Variants in IQSEC1 observed in about 807,000 individuals in gnomAD.
IQSEC1 encodes IQ motif and Sec7 domain ArfGEF 1, also known as IQ motif and SEC7 domain-containing protein 1.
A neutral mutation model predicts 91.0 loss-of-function variants in IQSEC1; 31 were observed. That is an observed-to-expected ratio of 0.34 (90% CI 0.26 to 0.46). The LOEUF is 0.46. Among genes scored for constraint, IQSEC1 ranks in the 20% least tolerant of loss-of-function variants. The probability of loss-of-function intolerance (pLI) is 1.00; values close to 1 mark genes in which losing one functional copy is unlikely to be tolerated. For synonymous variants in IQSEC1, 699 were observed against 662.6 expected (o/e 1.05, Z -0.84); for missense variants, 1,388 against 1,575.6 (o/e 0.88, Z 2.02).
In IQSEC1 at chr3:12,899,027, C is replaced by T. The variant is rs1214615224; in HGVS notation, c.*1956G>A. ...AAGAAATGCCACGCCAATGGGAGGA[C>T]ACAGGTGGGCGGGTTAAAGTCACAT... On this transcript the variant is annotated 3_prime_UTR_variant, in exon 14 of 14. Transcript: ENST00000613206. 4 of 264,456 alleles carry T rather than the reference C, an allele frequency of 1.5e-5. No homozygotes were observed. Among genetic ancestry groups the T allele is most frequent in the Non-Finnish European group, 2.2e-5 (3 of 135,012 alleles). 16.4% of individuals were successfully genotyped at this position (264,456 alleles called of 1,614,324 possible).
intron 1 of IQSEC1, among the ~76,000 whole-genome samples, chr3:13,175,476 A>G (rs1693708690): frequency 6.6e-6 from 1 of 152,162 alleles, no homozygotes; most frequent in Admixed American, 6.5e-5. Context: ...GTTGAAGAAC[A>G]CAGGATCGCC....
At chr3:12,918,963 T>C (rs542407151) in intron 6 of IQSEC1, among the ~76,000 whole-genome samples, 1 of 152,262 alleles carries the variant, frequency 6.6e-6, no homozygotes, top group Admixed American at 6.5e-5. Flanking sequence ...GGGCTGCCAA[T>C]AGCATGCAGC....
At chr3:13,098,031 C>T (rs971035445) in intron 2 of IQSEC1, among the ~76,000 whole-genome samples, 2 of 152,228 alleles carry the variant, frequency 1.3e-5, no homozygotes, top group African/African-American at 2.4e-5. Context: ...CAGGGCCGAC[C>T]CCAGATGTCT....
Position 13,103,781 on chromosome 3 carries a change from C to T in IQSEC1, c.303-56259G>A, listed in dbSNP as rs79248577. ...CCCGGTATTCCATGTTGCCTACCACCCTACGAGGGCAGGGGCTGTGTCTGC... is the reference window on the plus strand; with the variant it reads ...CCCGGTATTCCATGTTGCCTACCACTCTACGAGGGCAGGGGCTGTGTCTGC... On this transcript the variant is annotated intron_variant, in intron 2 of 15. Transcript: ENST00000648114. The surrounding 1 kb of genome is among the most constrained non-coding windows in gnomAD (Gnocchi z 4.1). 0.05 allele frequency among the ~76,000 whole-genome samples: 7,567 copies of T among 152,244 alleles called. 258 individuals are homozygous for T. Among genetic ancestry groups the T allele is most frequent in the Non-Finnish European group, 0.073 (4,932 of 68,004 alleles).
chr3:13,150,714 G>A (rs1411444813), intron 2 of IQSEC1, among the ~76,000 whole-genome samples: 1 of 152,164 alleles, frequency 6.6e-6, no homozygotes, highest in Non-Finnish European at 1.5e-5. Context: ...TGGGAGCTGA[G>A]TGTGGCTCTC....
At chr3:13,160,814 T>G (rs999246124) in intron 2 of IQSEC1, among the ~76,000 whole-genome samples, 12 of 152,252 alleles carry the variant, frequency 7.9e-5, no homozygotes, top group African/African-American at 2.9e-4. Context: ...GTGCCTGTTC[T>G]GTGCCCCACA....
At chr3:12,921,681 A>C (rs115252836) in intron 5 of IQSEC1, among the ~76,000 whole-genome samples, 1,567 of 152,336 alleles carry the variant, frequency 0.01, 27 homozygotes, top group African/African-American at 0.036. Flanking sequence ...AGAGTCGGTG[A>C]CTGAACCAGG....
chr3:12,902,658 C>CAAAAAAAAACCAAAAAAAAAAA, intron 13 of IQSEC1, 115 bp downstream of exon 13: 2 of 268,416 alleles, frequency 7.5e-6, no homozygotes, highest in Non-Finnish European at 1.4e-5. Flanking sequence ...AAAAAAACAA[C>CAAAAAAAAACCAAAAAAAAAAA]AAAAAAAAAA....
At chr3:13,083,234 C>T (rs1032211597) in intron 2 of IQSEC1, among the ~76,000 whole-genome samples, 12 of 152,170 alleles carry the variant, frequency 7.9e-5, no homozygotes, top group African/African-American at 2.7e-4. Context: ...AGAGGACCTA[C>T]GTGCCTACCC....
intron 1 of IQSEC1, among the ~76,000 whole-genome samples, chr3:13,169,219 C>T (rs357162): frequency 0.61 from 92,510 of 152,016 alleles, 28,352 homozygotes; most frequent in Non-Finnish European, 0.64. Flanking sequence ...TGAATAAGTA[C>T]CATGAGATCT....
rs959217926 is a variant in IQSEC1, at chr3:13,214,208, C to T, written c.273-50075G>A. 1.3e-5 allele frequency among the ~76,000 whole-genome samples: 2 copies of T among 152,190 alleles called. No homozygotes were observed. Among genetic ancestry groups the T allele is most frequent in the East Asian group, 1.9e-4 (1 of 5,194 alleles). ...CGAACCCCTCTCTTACCCTTCTAGT[C>T]GCACTGCAGGGGCTTCTAAGCCTTT... is the stretch of plus-strand genomic sequence containing the variant. On this transcript the variant is annotated intron_variant, in intron 1 of 15. Coordinates refer to the IQSEC1 transcript ENST00000648114. The surrounding 1 kb of genome is among the most constrained non-coding windows in gnomAD (Gnocchi z 4.5).
rs560496950 is a variant in IQSEC1 at position 13,233,402 on chromosome 3, G to A, written c.272+49309C>T. On this transcript the variant is annotated intron_variant, in intron 1 of 15. Coordinates refer to the IQSEC1 transcript ENST00000648114. ...GCCTGCTCACTGGCGGCTGCAGACC[G>A]TCCTGGCTTCAGGCCCCTGTTCTGG... Among the ~76,000 whole-genome samples, 64 of 152,294 alleles carry A rather than the reference G, an allele frequency of 4.2e-4. 1 individual carries two copies. The South Asian group carries it at 0.011, about 27-fold the overall frequency.
chr3:12,914,169 C>T (rs931630802), intron 8 of IQSEC1, among the ~76,000 whole-genome samples: 2 of 152,238 alleles, frequency 1.3e-5, no homozygotes, highest in Non-Finnish European at 2.9e-5. Context: ...GTGGCACTTG[C>T]CCTGGACCCG....
intron 1 of IQSEC1, among the ~76,000 whole-genome samples, chr3:13,169,837 G>C (rs1433440384): frequency 6.6e-6 from 1 of 152,222 alleles, no homozygotes; most frequent in Non-Finnish European, 1.5e-5. Flanking sequence ...CTTGGGTGCT[G>C]TTAAAGGCAT....
At chr3:13,186,678 G>A (rs1693936796) in intron 1 of IQSEC1, among the ~76,000 whole-genome samples, 2 of 152,140 alleles carry the variant, frequency 1.3e-5, no homozygotes, top group Non-Finnish European at 2.9e-5. Flanking sequence ...GTGAGTCCTT[G>A]GGTGGTCCCA....
At chr3:13,120,209 ACT>A (rs1273827768) in intron 2 of IQSEC1, among the ~76,000 whole-genome samples, 1 of 151,732 alleles carries the variant, frequency 6.6e-6, no homozygotes, top group African/African-American at 2.4e-5. Context: ...CAGGACAAAG[ACT>A]CTGTCCCTCT....
At chr3:13,154,804 A>G (rs1378464801) in intron 2 of IQSEC1, among the ~76,000 whole-genome samples, 2 of 152,100 alleles carry the variant, frequency 1.3e-5, no homozygotes, top group African/African-American at 2.4e-5. Flanking sequence ...TAAGAAATCA[A>G]CAATAGAGGA....
intron 1 of IQSEC1, among the ~76,000 whole-genome samples, chr3:13,225,998 A>G (rs1694747180): frequency 1.3e-5 from 2 of 151,722 alleles, no homozygotes; most frequent in Admixed American, 1.3e-4. Context: ...CTCCTGCCTT[A>G]GCCTCCCGAG....
intron 1 of IQSEC1, among the ~76,000 whole-genome samples, chr3:13,056,035 C>G (rs1440986675): frequency 1.3e-5 from 2 of 152,100 alleles, no homozygotes; most frequent in Admixed American, 1.3e-4. Context: ...CTTCTTAAGA[C>G]AGCAGCACGA....
Sources: gnomAD v4.1 joint callset for allele counts (sites outside exome capture counted in the v4.1 genomes callset) on GRCh38, gnomAD v4.1.1 for gene constraint, Gnocchi (gnomAD v3.1) non-coding constraint, MANE v1.5 for transcripts, NCBI Gene and HGNC (gene_info 2026-07-23, HGNC 2026-07-21) for gene names.